Variants in BUD13 observed in about 807,000 individuals in gnomAD.
BUD13 encodes the protein BUD13 spliceosome associated protein.
A neutral mutation model predicts 62.5 loss-of-function variants in BUD13; 47 were observed. The observed-to-expected ratio is 0.75, with a 90% confidence interval of 0.60 to 0.96. BUD13 has a LOEUF of 0.96. Ranked by LOEUF, BUD13 falls within the 40% of genes least tolerant of loss-of-function variation. The pLI, the probability that BUD13 is intolerant of heterozygous loss-of-function variation, is 0.00. For synonymous variants in BUD13, 293 were observed against 280.1 expected (o/e 1.05, Z -0.46); for missense variants, 821 against 790.9 (o/e 1.04, Z -0.46).
intron 9 of BUD13, among the ~76,000 whole-genome samples, chr11:116,754,618 C>T (rs1470497129): frequency 6.6e-6 from 1 of 152,168 alleles, no homozygotes; most frequent in African/African-American, 2.4e-5. Context: ...AAAACCTATA[C>T]AGCTACAACA....
intron 9 of BUD13, among the ~76,000 whole-genome samples, chr11:116,753,887 A>G (rs1166549465): frequency 6.6e-6 from 1 of 152,250 alleles, no homozygotes; most frequent in Non-Finnish European, 1.5e-5. Context: ...CAAAAAACCC[A>G]GAATACAGGC....
rs771523268 is a variant in BUD13, at chr11:116,757,821, G to A, written c.1629C>T (p.Asp543=). The A allele has an allele frequency of 1.2e-6, 2 of 1,613,978 alleles. No individual in the cohort carries two copies. The highest frequency in any genetic ancestry group is 1.1e-5 in the South Asian group (1 of 91,068). ...TCTTCTTGATGAAGTTGGCCATAGG[G>A]TCCCCCTCTCTTTCCTGTTCTCTTA... ...RMLREQEREG[D]PMANFIKKNK... The change falls in exon 8 of 10, where the codon GAC becomes GAT. Residue 543 remains aspartate, a synonymous_variant. Transcript: ENST00000260210.
chr11:116,759,031 A>AAAAAC, intron 6 of BUD13, 43 bp downstream of exon 6: 1 of 1,411,086 alleles, frequency 7.1e-7, no homozygotes, highest in South Asian at 1.3e-5. Flanking sequence ...AAAAAAAAAA[A>AAAAAC]CAGTATGAGC....
At chr11:116,761,396 C>A (rs902630084) in intron 4 of BUD13, among the ~76,000 whole-genome samples, 1 of 148,412 alleles carries the variant, frequency 6.7e-6, no homozygotes, top group Admixed American at 6.7e-5. Context: ...AGATAACTTA[C>A]CAAGCTAATG....
At chr11:116,765,812 C>T (rs1031972928) in intron 2 of BUD13, among the ~76,000 whole-genome samples, 2 of 152,200 alleles carry the variant, frequency 1.3e-5, no homozygotes, top group African/African-American at 4.8e-5. Flanking sequence ...GTGGCTCCCC[C>T]CATCATGCCT....
chr11:116,771,180 C>G (rs1451597965), intron 1 of BUD13, among the ~76,000 whole-genome samples: 1 of 152,228 alleles, frequency 6.6e-6, no homozygotes, highest in Non-Finnish European at 1.5e-5. Flanking sequence ...CCATCCCACA[C>G]TCACTCAAGA....
chr11:116,767,510 G>A (rs1027493719), intron 2 of BUD13, among the ~76,000 whole-genome samples: 9 of 146,982 alleles, frequency 6.1e-5, no homozygotes, highest in Non-Finnish European at 1.2e-4. Flanking sequence ...GGAGAATGGC[G>A]TGAACCCGGG....
chr11:116,751,404 G>C (rs1012717951), intron 9 of BUD13, among the ~76,000 whole-genome samples: 1 of 152,170 alleles, frequency 6.6e-6, no homozygotes, highest in East Asian at 1.9e-4. Flanking sequence ...CGAGGCAGGT[G>C]AATCACCTGA....
At position 116,762,852 on chromosome 11, in the gene BUD13, T is replaced by A; in HGVS notation, c.737A>T (p.Asn246Ile). ...CCTCCTAGATGTGTCAGGGGAGTTG[T>A]TATGGACCCTTCTGGGGGAAGAGAT... The part of the protein sequence containing the change: ...SDISSPRRVH[N>I]NSPDTSRRTL... Residue 246 changes from asparagine to isoleucine, a missense_variant, in exon 4 of 10, where the codon AAC becomes ATC. Coordinates refer to ENST00000260210, the MANE Select transcript of BUD13 (RefSeq NM_032725.4). 6.2e-7 allele frequency: 1 copy of A among 1,613,330 alleles called. No homozygotes were observed. Among genetic ancestry groups the A allele is most frequent in the Non-Finnish European group, 8.5e-7 (1 of 1,179,804 alleles).
intron 9 of BUD13, among the ~76,000 whole-genome samples, chr11:116,750,726 C>A (rs1211401089): frequency 6.6e-6 from 1 of 152,212 alleles, no homozygotes; most frequent in Admixed American, 6.5e-5. Flanking sequence ...CATATTACTG[C>A]TATAATGGAT....
chr11:116,748,623 A>G, intron 9 of BUD13, 48 bp from the exon 10 acceptor site: 1 of 1,544,954 alleles, frequency 6.5e-7, no homozygotes, highest in Non-Finnish European at 8.9e-7. Context: ...TGAAAGGGGC[A>G]TTTGTTTCAA....
chr11:116,770,182 A>G lies in BUD13; in HGVS notation c.184T>C (p.Ser62Pro). Residue 62 changes from serine (S) to proline (P), a missense_variant, in exon 2 of 10, where the codon TCC becomes CCC. Ser to Pro is a moderately conservative substitution (Grantham distance 74). This residue lies in a region of BUD13 where 800 missense variants were observed against 739.2 expected (regional missense o/e 1.08). Coordinates refer to ENST00000260210, the MANE Select transcript of BUD13 (RefSeq NM_032725.4). Reference sequence around the variant, plus strand: ...TCCTCCTTTTCTAGTTTGGTTGTGGAGATAGCTGTCCAGCTCACATCATCA... The same window carrying G: ...TCCTCCTTTTCTAGTTTGGTTGTGGGGATAGCTGTCCAGCTCACATCATCA... ...VDDDVSWTAI[S>P]TTKLEKEEEE... 6.2e-7 allele frequency: 1 copy of G among 1,613,830 alleles called. No individual in the cohort carries two copies. Among genetic ancestry groups the G allele is most frequent in the Non-Finnish European group, 8.5e-7 (1 of 1,179,862 alleles).
chr11:116,762,797 G>A lies in BUD13; in HGVS notation c.792C>T (p.Leu264=), dbSNP rs753560863. Residue 264 remains leucine (L), a synonymous_variant, in exon 4 of 10, where the codon CTC becomes CTT. Coordinates refer to ENST00000260210, the MANE Select transcript of BUD13 (RefSeq NM_032725.4). ...RTLGSSDTQQ[L]RRARHDSPDL... Reference sequence around the variant, plus strand: ...CAGGGGAGTCATGACGGGCCCTTCTGAGTTGCTGTGTGTCTGAAGAGCCAA... The same window carrying A: ...CAGGGGAGTCATGACGGGCCCTTCTAAGTTGCTGTGTGTCTGAAGAGCCAA... 6.2e-7 allele frequency: 1 copy of A among 1,609,206 alleles called. No individual in the cohort carries two copies. Among genetic ancestry groups the A allele is most frequent in the Non-Finnish European group, 8.5e-7 (1 of 1,178,446 alleles).
At chr11:116,759,712 G>A (rs185492481) in intron 5 of BUD13, among the ~76,000 whole-genome samples, 17 of 152,252 alleles carry the variant, frequency 1.1e-4, no homozygotes, top group African/African-American at 3.9e-4. Context: ...CTTCAGCAAC[G>A]AAATTGGAAT....
intron 9 of BUD13, among the ~76,000 whole-genome samples, chr11:116,748,800 A>G (rs995973495): frequency 1.5e-4 from 23 of 152,192 alleles, no homozygotes; most frequent in African/African-American, 3.9e-4. Flanking sequence ...AGCCTGCCTA[A>G]TATGGTGAAA....
At chr11:116,763,295 C>T (rs768135309) in intron 3 of BUD13, 29 bp from the exon 4 acceptor site, 11 of 1,513,960 alleles carry the variant, frequency 7.3e-6, no homozygotes, top group Non-Finnish European at 9.7e-6. Flanking sequence ...GAGTCAGATT[C>T]CCACAAATGC....
rs35574131 is a variant in BUD13 at position 116,762,607 on chromosome 11, G to A, written c.982C>T (p.Arg328Ter). The A allele has an allele frequency of 9.3e-6, 15 of 1,611,606 alleles. No individual in the cohort carries two copies. The highest frequency in any genetic ancestry group is 6.8e-5 in the Admixed American group (4 of 59,230). ...YEYDPDISPP[R>*]KKQAKSHFGD... ...AAATGGGATTTTGCTTGCTTTTTTC[G>A]TGGAGGAGAGATGTCAGGGTCATAC... Residue 328 changes from arginine to a stop codon, truncating the protein, a stop_gained, in exon 4 of 10, where the codon CGA (arginine) becomes TGA (stop). Coordinates refer to ENST00000260210, the MANE Select transcript of BUD13 (RefSeq NM_032725.4). LOFTEE classifies it high-confidence loss of function.
chr11:116,752,306 C>G (rs1470205304), intron 9 of BUD13, among the ~76,000 whole-genome samples: 2 of 151,992 alleles, frequency 1.3e-5, no homozygotes, highest in Non-Finnish European at 2.9e-5. Flanking sequence ...CCAACAGATA[C>G]TATATATCTG....
intron 9 of BUD13, among the ~76,000 whole-genome samples, chr11:116,753,905 G>C (rs1940282622): frequency 6.6e-6 from 1 of 152,144 alleles, no homozygotes; most frequent in African/African-American, 2.4e-5. Context: ...GGCGATCTAA[G>C]ATCTAAACAC....
Sources: allele counts gnomAD v4.1 joint callset (sites outside exome capture counted in the v4.1 genomes callset), GRCh38; gene constraint gnomAD v4.1.1; regional missense constraint gnomAD v4.1.1; transcripts MANE v1.5; gene names NCBI Gene and HGNC (gene_info 2026-07-23, HGNC 2026-07-21).